DLGAP1: variants seen among roughly 807,000 people sequenced by gnomAD.
DLGAP1 encodes the protein DLG associated protein 1.
A neutral mutation model predicts 90.8 loss-of-function variants in DLGAP1; 11 were observed. The ratio of observed to expected loss-of-function variants is 0.12; its 90% CI spans 0.08 to 0.20. The LOEUF (loss-of-function observed/expected upper bound fraction) is 0.20, where lower values mean the gene tolerates loss of function less well. DLGAP1 is among the 10% of genes least tolerant of loss of function. DLGAP1 has a pLI of 1.00. For synonymous variants in DLGAP1, 558 were observed against 540.7 expected (o/e 1.03, Z -0.44); for missense variants, 1,050 against 1,333.8 (o/e 0.79, Z 3.31).
chr18:3,857,119 T>C (rs1221954827), intron 4 of DLGAP1, among the ~76,000 whole-genome samples: 1 of 152,074 alleles, frequency 6.6e-6, no homozygotes, highest in African/African-American at 2.4e-5. Flanking sequence ...CATCTGAAAA[T>C]AACAAAAAGA....
chr18:4,371,454 G>A (rs888278885), intron 1 of DLGAP1, among the ~76,000 whole-genome samples: 1 of 152,174 alleles, frequency 6.6e-6, no homozygotes, highest in African/African-American at 2.4e-5. Flanking sequence ...CATCACATGC[G>A]TTTGTGATTT....
intron 2 of DLGAP1, among the ~76,000 whole-genome samples, chr18:4,046,269 A>C (rs1694152337): frequency 6.6e-6 from 1 of 152,244 alleles, no homozygotes; most frequent in Non-Finnish European, 1.5e-5. Flanking sequence ...TAAAGATTGC[A>C]TAATAGATTG....
chr18:4,026,668 T>C (rs1051388398), intron 2 of DLGAP1, among the ~76,000 whole-genome samples: 1 of 152,204 alleles, frequency 6.6e-6, no homozygotes, highest in East Asian at 1.9e-4. Flanking sequence ...GTAGAAACTA[T>C]CCTTTAGTGG....
At chr18:4,443,593 A>G (rs1435382072) in intron 1 of DLGAP1, among the ~76,000 whole-genome samples, 2 of 152,248 alleles carry the variant, frequency 1.3e-5, no homozygotes, top group Non-Finnish European at 2.9e-5. Flanking sequence ...GTGTAGCACA[A>G]TTTCCATGGG....
chr18:4,168,007 T>C (rs2076958976), intron 1 of DLGAP1, among the ~76,000 whole-genome samples: 1 of 152,212 alleles, frequency 6.6e-6, no homozygotes, highest in South Asian at 2.1e-4. Flanking sequence ...AAGATATCAC[T>C]TCTACCCAAA....
Position 3,729,568 on chromosome 18 carries a change from CT to C in DLGAP1, c.1351-194del, listed in dbSNP as rs568295912. The stretch of plus-strand genomic sequence containing the variant: ...GCTTATAATTCCAAACAATAGATTA[CT>C]TTTTTTTTCTTGTATTTTTAGTAGA... On this transcript the variant is annotated intron_variant, in intron 6 of 12. Coordinates refer to ENST00000315677, the MANE Select transcript of DLGAP1 (RefSeq NM_004746.4). The surrounding 1 kb of genome is among the most constrained non-coding windows in gnomAD (Gnocchi z 6.2). Among the ~76,000 whole-genome samples the C allele has an allele frequency of 4.0e-5, 6 of 151,738 alleles. No homozygotes were observed. Among genetic ancestry groups the C allele is most frequent in the South Asian group, 2.1e-4 (1 of 4,804 alleles).
chr18:4,249,766 T>A (rs979184489), intron 1 of DLGAP1, among the ~76,000 whole-genome samples: 1 of 152,108 alleles, frequency 6.6e-6, no homozygotes, highest in Non-Finnish European at 1.5e-5. Context: ...TATTTTGCTT[T>A]CTGTAGAGAC....
Position 3,729,159 on chromosome 18 carries a change from C to CGGT in DLGAP1, c.1564_1566dup (p.Thr522dup), listed in dbSNP as rs560690735. On this transcript the variant is annotated inframe_insertion, in exon 7 of 13. Coordinates refer to ENST00000315677, the MANE Select transcript of DLGAP1 (RefSeq NM_004746.4). The surrounding 1 kb of genome is among the most constrained non-coding windows in gnomAD (Gnocchi z 6.2). ...CCCGTGCTGCTCTGGATGGTCCTAA[C>CGGT]GGTGGTGGTGGTGCGCGGCGGCGAG... 8 of 1,612,808 alleles carry CGGT rather than the reference C, an allele frequency of 5.0e-6. No individual in the cohort carries two copies. The highest frequency in any genetic ancestry group is 3.3e-5 in the South Asian group (3 of 90,900).
At chr18:4,014,174 C>G (rs944021962) in intron 2 of DLGAP1, among the ~76,000 whole-genome samples, 2 of 151,128 alleles carry the variant, frequency 1.3e-5, no homozygotes, top group Non-Finnish European at 2.9e-5. Context: ...CAACCTCCAC[C>G]TCCCAGGTTC....
Position 4,008,338 on chromosome 18 carries a change from T to C in DLGAP1, c.-158-3137A>G, listed in dbSNP as rs145132197. Among the ~76,000 whole-genome samples the C allele has an allele frequency of 6.6e-5, 10 of 152,312 alleles. No individual in the cohort carries two copies. The East Asian group carries it at 1.9e-3, about 29-fold the overall frequency. Reference sequence around the variant, plus strand: ...TAAACATCAACTTGTCATCTCTTTGTAAAACTGCACATCTAGTTATATTTT... The same window carrying C: ...TAAACATCAACTTGTCATCTCTTTGCAAAACTGCACATCTAGTTATATTTT... On this transcript the variant is annotated intron_variant, in intron 2 of 12. Coordinates refer to ENST00000315677, the MANE Select transcript of DLGAP1 (RefSeq NM_004746.4).
At chr18:4,058,084 C>G (rs1247381652) in intron 2 of DLGAP1, among the ~76,000 whole-genome samples, 1 of 152,170 alleles carries the variant, frequency 6.6e-6, no homozygotes, top group Admixed American at 6.5e-5. Context: ...GGGTTAAAGC[C>G]TGAGACCATG....
intron 3 of DLGAP1, chr18:3,895,680 C>T (rs535942373): frequency 2.6e-5 from 4 of 152,360 alleles, no homozygotes; most frequent in South Asian, 2.1e-4. Context: ...GTGCCAGCAC[C>T]GTACAGAGCA....
intron 7 of DLGAP1, among the ~76,000 whole-genome samples, chr18:3,723,335 T>C (rs889663711): frequency 5.3e-5 from 8 of 152,196 alleles, no homozygotes; most frequent in Non-Finnish European, 1.0e-4. Flanking sequence ...TAGAAGTTTG[T>C]TTATAACTGC....
intron 5 of DLGAP1, among the ~76,000 whole-genome samples, chr18:3,749,609 C>T (rs1285035418): frequency 6.6e-6 from 1 of 152,182 alleles, no homozygotes; most frequent in Non-Finnish European, 1.5e-5. Context: ...CTCATCTCCT[C>T]AATGGCTTCT....
intron 1 of DLGAP1, among the ~76,000 whole-genome samples, chr18:4,231,475 T>A (rs929264558): frequency 6.6e-6 from 1 of 152,130 alleles, no homozygotes; most frequent in Non-Finnish European, 1.5e-5. Flanking sequence ...GAAACTGGGG[T>A]ATTTCCTCCC....
intron 1 of DLGAP1, among the ~76,000 whole-genome samples, chr18:4,210,225 T>C (rs1157289): frequency 0.61 from 92,291 of 152,032 alleles, 28,400 homozygotes; most frequent in East Asian, 0.82. Flanking sequence ...ACCAGTTATA[T>C]TCACTATCAA....
At chr18:4,209,463 CATTTT>C (rs2077795328) in intron 1 of DLGAP1, among the ~76,000 whole-genome samples, 1 of 152,184 alleles carries the variant, frequency 6.6e-6, no homozygotes, top group Non-Finnish European at 1.5e-5. Context: ...TCAAAATACT[CATTTT>C]AATAAGTCTT....
At chr18:3,788,815 G>T (rs1432734962) in intron 5 of DLGAP1, among the ~76,000 whole-genome samples, 1 of 152,126 alleles carries the variant, frequency 6.6e-6, no homozygotes, top group Non-Finnish European at 1.5e-5. Context: ...TGAAAAAAGG[G>T]TAGAACACAA....
At chr18:3,810,452 C>T (rs1489526787) in intron 5 of DLGAP1, among the ~76,000 whole-genome samples, 1 of 152,036 alleles carries the variant, frequency 6.6e-6, no homozygotes, top group Non-Finnish European at 1.5e-5. Flanking sequence ...AAAATGTTGC[C>T]CCAATCTCAC....
Sources: allele counts gnomAD v4.1 joint callset (sites outside exome capture counted in the v4.1 genomes callset), GRCh38; gene constraint gnomAD v4.1.1; non-coding constraint Gnocchi (gnomAD v3.1); transcripts MANE v1.5; gene names NCBI Gene and HGNC (gene_info 2026-07-23, HGNC 2026-07-21).